The following CACNA1B variants were observed in gnomAD, a reference collection of about 807,000 sequenced individuals.
CACNA1B encodes the protein voltage-dependent N-type calcium channel subunit alpha-1B.
Under a neutral mutation model 247.2 loss-of-function variants are expected in CACNA1B, and 70 were observed. That is an observed-to-expected ratio of 0.28 (90% CI 0.23 to 0.35). The LOEUF is 0.35. CACNA1B is among the 10% of genes least tolerant of loss of function. The probability of loss-of-function intolerance (pLI) is 1.00; values close to 1 mark genes in which losing one functional copy is unlikely to be tolerated. For missense variants in CACNA1B, 2,367 were observed against 3,197.4 expected, an observed-to-expected ratio of 0.74 and a Z score of 6.26; for synonymous variants, 1,231 against 1,294.4, an observed-to-expected ratio of 0.95 and a Z score of 1.05.
chr9:138,034,319 G>A (rs957817196), intron 20 of CACNA1B, among the ~76,000 whole-genome samples: 7 of 152,076 alleles, frequency 4.6e-5, no homozygotes, highest in African/African-American at 1.7e-4. Flanking sequence ...CCACTAGATA[G>A]GGATGAAAGT....
At position 138,121,718 on chromosome 9, in the gene CACNA1B, C is replaced by T; in HGVS notation, c.6739C>T (p.Pro2247Ser). The change falls in exon 47 of 47, where the codon CCC becomes TCC. Residue 2247 changes from proline (P) to serine (S), a missense_variant. Around this residue, in one of 12 missense-constraint regions of CACNA1B, gnomAD observed 773 missense variants for 779.4 expected, o/e 0.99. Coordinates refer to ENST00000371372, the MANE Select transcript of CACNA1B (RefSeq NM_000718.4). The surrounding 1 kb of genome is among the most constrained non-coding windows in gnomAD (Gnocchi z 6.8). The part of the protein sequence containing the change: ...ALLQRDPLSQ[P>S]LAPGSRIGSD... ...GCTGCAGAGAGACCCCCTCAGCCAG[C>T]CCCTGGCCCCTGGCTCTCGAATTGG... The T allele has an allele frequency of 1.9e-6, 3 of 1,613,300 alleles. No individual in the cohort carries two copies. The highest frequency in any genetic ancestry group is 1.1e-5 in the South Asian group (1 of 91,076).
At chr9:138,117,285 G>GT (rs911566809) in intron 42 of CACNA1B, among the ~76,000 whole-genome samples, 3 of 28,326 alleles carry the variant, frequency 1.1e-4, no homozygotes, top group Admixed American at 7.4e-4. Context: ...ATTGTGGCTT[G>GT]GGGGGGGGGT....
intron 5 of CACNA1B, among the ~76,000 whole-genome samples, chr9:137,915,437 A>T (rs1401391895): frequency 6.6e-6 from 1 of 152,136 alleles, no homozygotes; most frequent in Non-Finnish European, 1.5e-5. Context: ...TTGTAGGTAA[A>T]GCCAACAGAA....
At chr9:137,894,601 G>C (rs986840450) in intron 3 of CACNA1B, among the ~76,000 whole-genome samples, 1 of 151,924 alleles carries the variant, frequency 6.6e-6, no homozygotes, top group Non-Finnish European at 1.5e-5. Context: ...GTAGAGACGG[G>C]GTTTCACCGT....
chr9:138,066,438 C>T (rs1439594749), intron 31 of CACNA1B, among the ~76,000 whole-genome samples: 2 of 151,714 alleles, frequency 1.3e-5, no homozygotes, highest in Non-Finnish European at 2.9e-5. Context: ...CAGAGCAAAA[C>T]GCTAAAAAAA....
intron 20 of CACNA1B, among the ~76,000 whole-genome samples, chr9:138,027,931 AT>A (rs1161320221): frequency 1.3e-5 from 2 of 151,838 alleles, no homozygotes; most frequent in Non-Finnish European, 2.9e-5. Context: ...TTAAATATCA[AT>A]GACATAGAGT....
At chr9:138,021,081 C>A (rs756920767) in intron 18 of CACNA1B, among the ~76,000 whole-genome samples, 10 of 152,226 alleles carry the variant, frequency 6.6e-5, no homozygotes, top group Non-Finnish European at 1.5e-4. Context: ...GGCTCCTGTG[C>A]CTGGTGCAAG....
At position 137,891,726 on chromosome 9, in the gene CACNA1B, G is replaced by A. The variant is rs946224188; in HGVS notation, c.530+8843G>A. 12 of 282,380 alleles carry A rather than the reference G, an allele frequency of 4.2e-5. No homozygotes were observed. The highest frequency in any genetic ancestry group is 2.7e-4 in the African/African-American group (12 of 44,834). 17.5% of individuals were successfully genotyped at this position (282,380 alleles called of 1,614,324 possible). On this transcript the variant is annotated intron_variant, in intron 3 of 46. Coordinates refer to ENST00000371372, the MANE Select transcript of CACNA1B (RefSeq NM_000718.4). The surrounding 1 kb of genome is among the most constrained non-coding windows in gnomAD (Gnocchi z 4.3). ...GGCCCTGGACTAGAAGAGGTGAGAA[G>A]GCAGGTGCTGGCTGTGGGGCTGTAG...
In CACNA1B at chr9:138,059,465, C is replaced by T. The variant is rs1959639416; in HGVS notation, c.4585-189C>T. ...TGCCTCTGCCCAGGCCCAGAGGTAT[C>T]TGTGTCCCTGGCTTTGACATCTGCT... On this transcript the variant is annotated intron_variant, in intron 30 of 46. Coordinates refer to ENST00000371372, the MANE Select transcript of CACNA1B (RefSeq NM_000718.4). This position sits in a 1 kb window ranked among gnomAD's most constrained non-coding sequence, Gnocchi z 4.2. Among the ~76,000 whole-genome samples, 1 of 152,188 alleles carries T rather than the reference C, an allele frequency of 6.6e-6. No homozygotes were observed. Among genetic ancestry groups the T allele is most frequent in the Admixed American group, 6.5e-5 (1 of 15,288 alleles).
intron 3 of CACNA1B, among the ~76,000 whole-genome samples, chr9:137,901,144 C>T (rs1473008456): frequency 6.8e-6 from 1 of 146,394 alleles, no homozygotes; most frequent in East Asian, 2.0e-4. Context: ...GTCTCTGTGT[C>T]CCTGTGACTG....
At chr9:137,904,137 G>A (rs1039916620) in intron 3 of CACNA1B, among the ~76,000 whole-genome samples, 2 of 152,082 alleles carry the variant, frequency 1.3e-5, no homozygotes, top group Non-Finnish European at 2.9e-5. Flanking sequence ...TTGGAAGTCG[G>A]GAGGGGCACA....
At chr9:138,103,850 T>A (rs1409196013) in intron 38 of CACNA1B, among the ~76,000 whole-genome samples, 3 of 152,252 alleles carry the variant, frequency 2.0e-5, no homozygotes, top group Non-Finnish European at 4.4e-5. Flanking sequence ...CTCTGTGCCC[T>A]GACTCTAGGT....
At chr9:138,111,718 C>G (rs1961638598) in intron 39 of CACNA1B, among the ~76,000 whole-genome samples, 2 of 152,050 alleles carry the variant, frequency 1.3e-5, no homozygotes, top group South Asian at 4.1e-4. Flanking sequence ...ACTGCCTTCC[C>G]TAACCCTCCT....
intron 42 of CACNA1B, among the ~76,000 whole-genome samples, chr9:138,116,771 G>A (rs1019330647): frequency 2.0e-5 from 3 of 152,174 alleles, no homozygotes; most frequent in African/African-American, 7.2e-5. Context: ...AGGGTTAGCG[G>A]TGCATTAGGA....
intron 36 of CACNA1B, among the ~76,000 whole-genome samples, chr9:138,079,536 A>C (rs1960444907): frequency 6.6e-6 from 1 of 152,134 alleles, no homozygotes; most frequent in African/African-American, 2.4e-5. Context: ...TAAGGCCAGG[A>C]GCTCAAGACC....
intron 39 of CACNA1B, among the ~76,000 whole-genome samples, chr9:138,111,147 A>G (rs978439642): frequency 3.3e-4 from 50 of 152,218 alleles, no homozygotes; most frequent in African/African-American, 1.1e-3. Context: ...CGTTACTTCT[A>G]TGGTCCAGCC....
At position 137,991,353 on chromosome 9, in the gene CACNA1B, T is replaced by A. The variant is rs147307961; in HGVS notation, c.1974+4499T>A. Among the ~76,000 whole-genome samples, 210 of 152,292 alleles carry A rather than the reference T, an allele frequency of 1.4e-3. 1 individual carries two copies. Among genetic ancestry groups the A allele is most frequent in the Non-Finnish European group, 2.5e-3 (169 of 68,020 alleles). On this transcript the variant is annotated intron_variant, in intron 15 of 46. Transcript: ENST00000371372. ...AACTTCAGAGCTCAAAGAAAAAGCTTTTGAATTAACCCTATCCATCAGAGA... is the reference window on the plus strand; with the variant it reads ...AACTTCAGAGCTCAAAGAAAAAGCTATTGAATTAACCCTATCCATCAGAGA...
chr9:138,006,850 CT>C lies in CACNA1B; in HGVS notation c.2062del (p.Tyr688ThrfsTer5). 6.2e-7 allele frequency: 1 copy of C among 1,605,794 alleles called. No individual in the cohort carries two copies. Among genetic ancestry groups the C allele is most frequent in the Non-Finnish European group, 8.5e-7 (1 of 1,172,560 alleles). On this transcript the variant is annotated frameshift_variant, in exon 16 of 47. Coordinates refer to ENST00000371372, the MANE Select transcript of CACNA1B (RefSeq NM_000718.4). LOFTEE classifies it high-confidence loss of function. ...GGVSKGMFSS[F>X]YFIVLTLFGN... ...GCGTCAGCAAAGGCATGTTCTCGTC[CT>C]TTTACTTCATTGTCCTGACACTGTT...
chr9:138,020,190 G>A lies in CACNA1B; in HGVS notation c.2268-2821G>A, dbSNP rs546603651. ...TTGTCAGCAGTTCCGGGTTGTCTGA[G>A]CCCAGAGACCTCAAAGCAGGGCCAC... On this transcript the variant is annotated intron_variant, in intron 18 of 46. Coordinates refer to ENST00000371372, the MANE Select transcript of CACNA1B (RefSeq NM_000718.4). This position sits in a 1 kb window ranked among gnomAD's most constrained non-coding sequence, Gnocchi z 4.1. Among the ~76,000 whole-genome samples, 4 of 151,648 alleles carry A rather than the reference G, an allele frequency of 2.6e-5. No homozygotes were observed. In the South Asian group the frequency reaches 8.3e-4, roughly 32 times the overall value.
Sources: gnomAD v4.1 joint callset for allele counts (sites outside exome capture counted in the v4.1 genomes callset) on GRCh38, gnomAD v4.1.1 for gene constraint, gnomAD v4.1.1 regional missense constraint, Gnocchi (gnomAD v3.1) non-coding constraint, MANE v1.5 for transcripts, NCBI Gene and HGNC (gene_info 2026-07-23, HGNC 2026-07-21) for gene names.